The following NAV3 variants were observed in gnomAD, a reference collection of about 807,000 sequenced individuals.
The protein encoded by NAV3 is pore membrane and/or filament interacting like protein 1.
Under a neutral mutation model 244.7 loss-of-function variants are expected in NAV3, and 87 were observed. The ratio of observed to expected loss-of-function variants is 0.36; its 90% confidence interval spans 0.30 to 0.42. The LOEUF (loss-of-function observed/expected upper bound fraction) is 0.42. NAV3 is among the 20% of genes least tolerant of loss of function. The pLI, the probability that NAV3 is intolerant of heterozygous loss-of-function variation, is 1.00. For missense variants in NAV3, 2,663 were observed against 2,893.3 expected, an observed-to-expected ratio of 0.92 and a Z score of 1.83; for synonymous variants, 1,126 against 1,042.2, an observed-to-expected ratio of 1.08 and a Z score of -1.55.
upstream of NAV3, among the ~76,000 whole-genome samples, chr12:77,828,569 G>A (rs767831106): frequency 1.3e-5 from 2 of 151,690 alleles, no homozygotes; most frequent in Non-Finnish European, 2.9e-5. Flanking sequence ...TTACTTTCTC[G>A]GTGCCTTTGT....
At chr12:77,989,547 A>G (rs2136339200) in intron 5 of NAV3, among the ~76,000 whole-genome samples, 2 of 152,316 alleles carry the variant, frequency 1.3e-5, no homozygotes, top group East Asian at 3.9e-4. Flanking sequence ...AGTGGTAGAC[A>G]CTTATGTAGC....
At chr12:77,684,753 G>A (rs375302274) in intron 2 of NAV3, among the ~76,000 whole-genome samples, 92 of 151,980 alleles carry the variant, frequency 6.1e-4, no homozygotes, top group African/African-American at 2.1e-3. Context: ...TCATTGCCAA[G>A]ATATTCTTTT....
chr12:78,133,697 G>A (rs551046036), intron 18 of NAV3, among the ~76,000 whole-genome samples: 3 of 152,052 alleles, frequency 2.0e-5, no homozygotes, highest in South Asian at 2.1e-4. Flanking sequence ...ACTATGGTTC[G>A]TGTGTCGTTC....
chr12:78,050,754 T>G lies in NAV3; in HGVS notation c.2133-10T>G. The G allele has an allele frequency of 6.3e-7, 1 of 1,575,180 alleles. No homozygotes were observed. The highest frequency in any genetic ancestry group is 8.7e-7 in the Non-Finnish European group (1 of 1,155,990). ...CCAGAGTATAGTTATTTCTCCATTT[T>G]ATTTGACAGCACCCTGGAGACAACA... On this transcript the variant is annotated splice_polypyrimidine_tract_variant and intron_variant, in intron 10 of 39. Coordinates refer to ENST00000397909, the MANE Select transcript of NAV3 (RefSeq NM_001024383.2).
intron 2 of NAV3, among the ~76,000 whole-genome samples, chr12:77,686,664 G>A (rs1304146359): frequency 6.6e-6 from 1 of 151,882 alleles, no homozygotes; most frequent in African/African-American, 2.4e-5. Context: ...CCCATTTATA[G>A]ATGAGGGAAC....
At chr12:77,693,285 G>C (rs1044658559) in intron 2 of NAV3, among the ~76,000 whole-genome samples, 1 of 152,028 alleles carries the variant, frequency 6.6e-6, no homozygotes, top group African/African-American at 2.4e-5. Context: ...GCAACTTCTA[G>C]ATACCTGTAG....
chr12:77,823,123 C>A (rs1872815448), intron 2 of NAV3, among the ~76,000 whole-genome samples: 1 of 152,120 alleles, frequency 6.6e-6, no homozygotes. Context: ...GAGGCAATAT[C>A]CAGACCACAG....
chr12:77,640,591 G>A (rs1423839275), intron 2 of NAV3, among the ~76,000 whole-genome samples: 1 of 152,026 alleles, frequency 6.6e-6, no homozygotes, highest in Admixed American at 6.6e-5. Flanking sequence ...GTCCCAAATG[G>A]TAGTTCAATA....
intron 23 of NAV3, among the ~76,000 whole-genome samples, chr12:78,160,885 C>T (rs1957515466): frequency 6.6e-6 from 1 of 150,456 alleles, no homozygotes; most frequent in Non-Finnish European, 1.5e-5. Context: ...CTTCCTTTTT[C>T]CTTTTCTTTC....
chr12:77,697,788 G>T (rs1943303175), intron 2 of NAV3, among the ~76,000 whole-genome samples: 1 of 152,144 alleles, frequency 6.6e-6, no homozygotes, highest in Non-Finnish European at 1.5e-5. Context: ...CATTAGTTAA[G>T]AAATAAAATA....
intron 2 of NAV3, among the ~76,000 whole-genome samples, chr12:77,715,435 A>G (rs1460396930): frequency 6.6e-6 from 1 of 151,936 alleles, no homozygotes; most frequent in East Asian, 1.9e-4. Context: ...AAAGTTGTCT[A>G]AAACAACAAA....
intron 2 of NAV3, among the ~76,000 whole-genome samples, chr12:77,649,620 G>T (rs1232751266): frequency 6.6e-6 from 1 of 152,046 alleles, no homozygotes; most frequent in Non-Finnish European, 1.5e-5. Flanking sequence ...TGAAATTCAT[G>T]TTTACTGTAA....
intron 2 of NAV3, among the ~76,000 whole-genome samples, chr12:77,751,617 C>T (rs1379650998): frequency 6.6e-6 from 1 of 152,132 alleles, no homozygotes; most frequent in South Asian, 2.1e-4. Context: ...CCTGAGGCCC[C>T]CCCAGCCATG....
intron 2 of NAV3, among the ~76,000 whole-genome samples, chr12:77,608,494 A>G (rs695916): frequency 0.33 from 50,162 of 151,950 alleles, 8,576 homozygotes; most frequent in Middle Eastern, 0.5. Flanking sequence ...TATTTGCTTT[A>G]TTTTAGATAT....
At chr12:78,179,294 AT>A in intron 28 of NAV3, 1 of 421,008 alleles carries the variant, frequency 2.4e-6, no homozygotes, top group Non-Finnish European at 4.2e-6. Flanking sequence ...AGAGTAGACT[AT>A]TTTTAAACTT....
chr12:77,696,164 A>G lies in NAV3; in HGVS notation c.72+123898A>G, dbSNP rs140086272. 2.4e-3 allele frequency among the ~76,000 whole-genome samples: 369 copies of G among 152,272 alleles called. 1 individual carries two copies. Among genetic ancestry groups the G allele is most frequent in the Non-Finnish European group, 4.3e-3 (290 of 68,024 alleles). Reference sequence around the variant, plus strand: ...AGGATCCCAATAATTTTTCCTCTTGATACCTATGCCCTTATGTAATCCCCT... The same window carrying G: ...AGGATCCCAATAATTTTTCCTCTTGGTACCTATGCCCTTATGTAATCCCCT... On this transcript the variant is annotated intron_variant, in intron 2 of 8. Transcript: ENST00000550042.
intron 12 of NAV3, among the ~76,000 whole-genome samples, chr12:78,100,749 A>T (rs1373061929): frequency 6.6e-6 from 1 of 151,988 alleles, no homozygotes; most frequent in Non-Finnish European, 1.5e-5. Flanking sequence ...CAGACTCAGA[A>T]CTATGTATTT....
intron 9 of NAV3, among the ~76,000 whole-genome samples, chr12:78,035,764 T>G (rs1300287954): frequency 1.3e-5 from 2 of 152,236 alleles, no homozygotes; most frequent in Admixed American, 6.5e-5. Flanking sequence ...AAGAAATCTT[T>G]ATCATCACAT....
intron 2 of NAV3, among the ~76,000 whole-genome samples, chr12:77,738,606 A>G (rs186326793): frequency 1.5e-4 from 23 of 152,366 alleles, no homozygotes; most frequent in African/African-American, 5.5e-4. Context: ...ATGATTACAC[A>G]GGCATATGCA....
Sources: allele counts gnomAD v4.1 joint callset (sites outside exome capture counted in the v4.1 genomes callset), GRCh38; gene constraint gnomAD v4.1.1; transcripts MANE v1.5; gene names NCBI Gene and HGNC (gene_info 2026-07-23, HGNC 2026-07-21).